KNTC1: variants seen among roughly 807,000 people sequenced by gnomAD.
The protein encoded by KNTC1 is kinetochore associated 1.
KNTC1 carries 253 observed loss-of-function variants against 314.4 expected under a neutral mutation model. The observed-to-expected ratio is 0.80, with a 90% CI of 0.73 to 0.89. KNTC1 has a LOEUF of 0.89. Among genes scored for constraint, KNTC1 ranks in the 40% least tolerant of loss-of-function variants. The probability of loss-of-function intolerance (pLI) is 0.00; values close to 1 mark genes in which losing one functional copy is unlikely to be tolerated. For synonymous variants in KNTC1, 901 were observed against 901.4 expected, an observed-to-expected ratio of 1.00 and a Z score of 0.01; for missense variants, 2,475 against 2,572.9, an observed-to-expected ratio of 0.96 and a Z score of 0.82.
At position 122,590,746 on chromosome 12, in the gene KNTC1, A is replaced by T. The variant is rs2138042819; in HGVS notation, c.4128+11A>T. On this transcript the variant is annotated intron_variant, in intron 41 of 63. Transcript: ENST00000333479. ...TACGACAAAATCTTGGTATGTCCTA[A>T]GGAAGCACACCTTCAATTCTTGAAG... 1 of 1,609,250 alleles carries T rather than the reference A, an allele frequency of 6.2e-7. No individual in the cohort carries two copies. The highest frequency in any genetic ancestry group is 8.5e-7 in the Non-Finnish European group (1 of 1,177,660).
At chr12:122,550,874 A>G (rs1226759723) in intron 13 of KNTC1, among the ~76,000 whole-genome samples, 1 of 152,078 alleles carries the variant, frequency 6.6e-6, no homozygotes, top group Non-Finnish European at 1.5e-5. Flanking sequence ...CTGTTTCTCT[A>G]TTTGGATTTG....
chr12:122,613,528 T>C, intron 54 of KNTC1, 98 bp from the exon 55 acceptor site: 5 of 1,195,886 alleles, frequency 4.2e-6, no homozygotes, highest in Non-Finnish European at 5.6e-6. Flanking sequence ...AAATGGACAT[T>C]TAAAACAAAC....
chr12:122,531,934 C>T (rs1399102467), intron 2 of KNTC1, among the ~76,000 whole-genome samples: 1 of 151,668 alleles, frequency 6.6e-6, no homozygotes, highest in Non-Finnish European at 1.5e-5. Flanking sequence ...GGGGTTTCAC[C>T]ATGTTAGCCA....
intron 16 of KNTC1, among the ~76,000 whole-genome samples, chr12:122,554,667 A>G (rs994862760): frequency 6.6e-6 from 1 of 152,184 alleles, no homozygotes; most frequent in African/African-American, 2.4e-5. Context: ...CAGTGGAGCA[A>G]AAAAATCAAA....
In KNTC1 at chr12:122,578,835, T is replaced by C. The variant is rs1386819429; in HGVS notation, c.2841+1044T>C. Among the ~76,000 whole-genome samples the C allele has an allele frequency of 2.0e-5, 3 of 152,178 alleles. 1 individual carries two copies. The highest frequency in any genetic ancestry group is 2.0e-4 in the Admixed American group (3 of 15,262). On this transcript the variant is annotated intron_variant, in intron 31 of 63. Transcript: ENST00000333479. ...TTATTGTTGTTTTTAACACCTAATATTTGCTATGCAATAGGCATTAGGTTA... is the reference window on the plus strand; with the variant it reads ...TTATTGTTGTTTTTAACACCTAATACTTGCTATGCAATAGGCATTAGGTTA...
At chr12:122,604,664 C>A in intron 49 of KNTC1, 27 bp downstream of exon 49, 1 of 1,450,670 alleles carries the variant, frequency 6.9e-7, no homozygotes, top group Non-Finnish European at 9.7e-7. Context: ...AGATTGGCGG[C>A]TTCTCTTCTT....
In KNTC1 at chr12:122,572,671, C is replaced by G. The variant is rs527843032; in HGVS notation, c.2020-266C>G. ...AGCACTACCTAAATGATGCTGTGTA[C>G]TAAGTATACTTGGGTTCTGAAAAAG... On this transcript the variant is annotated intron_variant, in intron 24 of 63. Coordinates refer to ENST00000333479, the MANE Select transcript of KNTC1 (RefSeq NM_014708.6). 7.0e-4 allele frequency among the ~76,000 whole-genome samples: 107 copies of G among 152,136 alleles called. 1 individual carries two copies. The South Asian group carries it at 0.022, about 31-fold the overall frequency.
chr12:122,534,832 C>T (rs772939935), intron 3 of KNTC1, 48 bp downstream of exon 3: 2 of 1,560,766 alleles, frequency 1.3e-6, no homozygotes, highest in South Asian at 2.3e-5. Context: ...AAGTCAAATA[C>T]ATCTGCTGCC....
chr12:122,587,854 A>G lies in KNTC1; in HGVS notation c.3874A>G (p.Asn1292Asp), dbSNP rs749890970. The part of the protein sequence containing the change: ...CLQHSVSNFM[N>D]ATLSEKLFGE... ...TCAGCACTCTGTGTCAAACTTCATG[A>G]ATGCCACTTTGAGTGAAAAGGTATA... Residue 1292 changes from asparagine to aspartate, a missense_variant, in exon 39 of 64, where the codon AAT becomes GAT. Coordinates refer to ENST00000333479, the MANE Select transcript of KNTC1 (RefSeq NM_014708.6). The G allele has an allele frequency of 6.2e-7, 1 of 1,613,666 alleles. No individual in the cohort carries two copies. The highest frequency in any genetic ancestry group is 1.1e-5 in the South Asian group (1 of 90,988).
At chr12:122,621,475 C>T (rs530841076) in intron 60 of KNTC1, among the ~76,000 whole-genome samples, 19 of 152,258 alleles carry the variant, frequency 1.2e-4, no homozygotes, top group South Asian at 1.2e-3. Flanking sequence ...GCTGACGTTA[C>T]GGGCTCCTGC....
Position 122,565,367 on chromosome 12 carries a change from GC to G in KNTC1, c.1604+2670del, listed in dbSNP as rs781645312. On this transcript the variant is annotated intron_variant, in intron 20 of 63. Coordinates refer to ENST00000333479, the MANE Select transcript of KNTC1 (RefSeq NM_014708.6). Reference sequence around the variant, plus strand: ...ATTCCTGGGCTCAAGTGATCCTCCTGCCTCGGCCTCCCAAAGTGCTGGGATT... The same window carrying G: ...ATTCCTGGGCTCAAGTGATCCTCCTGCTCGGCCTCCCAAAGTGCTGGGATT... Among the ~76,000 whole-genome samples the G allele has an allele frequency of 1.3e-4, 20 of 151,676 alleles. No individual in the cohort carries two copies. The East Asian group carries it at 2.7e-3, about 21-fold the overall frequency.
At chr12:122,559,156 G>A (rs1249042794) in intron 18 of KNTC1, among the ~76,000 whole-genome samples, 2 of 151,848 alleles carry the variant, frequency 1.3e-5, no homozygotes, top group Non-Finnish European at 2.9e-5. Flanking sequence ...AGACCATTGT[G>A]ACGAACATGG....
intron 40 of KNTC1, among the ~76,000 whole-genome samples, 198 bp downstream of exon 40, chr12:122,589,014 A>G (rs3817014): frequency 1.3e-5 from 2 of 152,238 alleles, no homozygotes; most frequent in East Asian, 3.9e-4. Flanking sequence ...ATGAAATAGT[A>G]GTCAATCTTG....
intron 6 of KNTC1, among the ~76,000 whole-genome samples, chr12:122,542,938 AG>A (rs577160924): frequency 2.6e-4 from 40 of 152,148 alleles, no homozygotes; most frequent in African/African-American, 7.9e-4. Context: ...TTTGAGATGG[AG>A]TCTTGCTCTG....
chr12:122,570,892 G>A lies in KNTC1; in HGVS notation c.1877G>A (p.Trp626Ter), dbSNP rs1186629682. ...CTATTTCAGATAATTCTTGCAAAAT[G>A]GTTGGAACAAGCAGCCAGGAACCTT... ...VPEGQIILAK[W>*]LEQAARNLEL... Residue 626 changes from tryptophan (W) to a stop codon, truncating the protein, a stop_gained, in exon 23 of 64, where the codon TGG becomes TAG. Coordinates refer to ENST00000333479, the MANE Select transcript of KNTC1 (RefSeq NM_014708.6). LOFTEE classifies it high-confidence loss of function. The A allele has an allele frequency of 1.3e-6, 2 of 1,551,312 alleles. No homozygotes were observed. The highest frequency in any genetic ancestry group is 3.9e-5 in the Admixed American group (2 of 51,810).
chr12:122,540,297 C>T (rs1035354975), intron 5 of KNTC1, among the ~76,000 whole-genome samples: 31 of 150,642 alleles, frequency 2.1e-4, no homozygotes, highest in Non-Finnish European at 2.5e-4. Context: ...CTCAGCCTCC[C>T]GAGTAGCTGG....
At chr12:122,529,420 G>A (rs1169690198) in intron 1 of KNTC1, among the ~76,000 whole-genome samples, 1 of 152,012 alleles carries the variant, frequency 6.6e-6, no homozygotes, top group Non-Finnish European at 1.5e-5. Flanking sequence ...TATGGTTTAT[G>A]TAAACCTTTG....
Position 122,582,849 on chromosome 12 carries a change from G to T in KNTC1, c.3127G>T (p.Val1043Leu), listed in dbSNP as rs748782051. The T allele has an allele frequency of 6.2e-7, 1 of 1,612,024 alleles. No homozygotes were observed. Among genetic ancestry groups the T allele is most frequent in the African/African-American group, 1.3e-5 (1 of 74,880 alleles). Reference protein sequence around the residue: ...GSTPEPIAAEVRSPSMESKLH... With the variant: ...GSTPEPIAAELRSPSMESKLH... ...CACCCCAGAGCCCATAGCTGCTGAG[G>T]TGAGGAGCCCAAGCATGGAATCAAA... The change falls in exon 34 of 64, where the codon GTG becomes TTG. Residue 1043 changes from valine to leucine, a missense_variant. By Grantham distance (32) the Val-to-Leu change is conservative. Transcript: ENST00000333479.
In KNTC1 at chr12:122,618,559, T is replaced by C. The variant is rs758299300; in HGVS notation, c.6149+14T>C. Reference sequence around the variant, plus strand: ...CGCTGTCCTCGAGTAAGCAAAATATTTGTTCTACCAAAAAAAAAAAAAGTT... The same window carrying C: ...CGCTGTCCTCGAGTAAGCAAAATATCTGTTCTACCAAAAAAAAAAAAAGTT... On this transcript the variant is annotated intron_variant, in intron 59 of 63. Coordinates refer to ENST00000333479, the MANE Select transcript of KNTC1 (RefSeq NM_014708.6). The C allele has an allele frequency of 5.0e-6, 8 of 1,604,318 alleles. No individual in the cohort carries two copies. The highest frequency in any genetic ancestry group is 6.8e-6 in the Non-Finnish European group (8 of 1,175,042).
Sources: gnomAD v4.1 joint callset for allele counts (sites outside exome capture counted in the v4.1 genomes callset) on GRCh38, gnomAD v4.1.1 for gene constraint, MANE v1.5 for transcripts, NCBI Gene and HGNC (gene_info 2026-07-23, HGNC 2026-07-21) for gene names.